Variants in ADCYAP1R1 observed in about 807,000 individuals in gnomAD.
The protein encoded by ADCYAP1R1 is pituitary adenylate cyclase-activating polypeptide type I receptor.
In ADCYAP1R1, 44 loss-of-function variants were observed where a neutral mutation model predicts 67.6. The ratio of observed to expected loss-of-function variants is 0.65; its 90% CI spans 0.51 to 0.84. The LOEUF is 0.84. ADCYAP1R1 is among the 40% of genes least tolerant of loss of function. The pLI, the probability that ADCYAP1R1 is intolerant of heterozygous loss-of-function variation, is 0.00. For missense variants in ADCYAP1R1, 477 were observed against 587.9 expected (o/e 0.81, Z 1.95); for synonymous variants, 222 against 219.6 (o/e 1.01, Z -0.10).
At chr7:31,099,675 G>T (rs1208516723) in intron 13 of ADCYAP1R1, among the ~76,000 whole-genome samples, 2 of 152,190 alleles carry the variant, frequency 1.3e-5, no homozygotes, top group African/African-American at 4.8e-5. Flanking sequence ...GAACTGGCCT[G>T]ATTTGAGGCT....
intron 1 of ADCYAP1R1, among the ~76,000 whole-genome samples, chr7:31,052,939 GGCGGCCGATCGCC>G (rs1794080059): frequency 6.6e-6 from 1 of 152,228 alleles, no homozygotes; most frequent in Non-Finnish European, 1.5e-5. Context: ...CTGCGCTCGG[GGCGGCCGATCGCC>G]GCAGACTGCC....
At chr7:31,092,965 AGAGAGAGAGAGCCT>A (rs1393406514) in intron 13 of ADCYAP1R1, among the ~76,000 whole-genome samples, 2 of 152,138 alleles carry the variant, frequency 1.3e-5, no homozygotes. Flanking sequence ...GAAGAGAGAG[AGAGAGAGAGAGCCT>A]GAGAGAGAGA....
intron 3 of ADCYAP1R1, among the ~76,000 whole-genome samples, chr7:31,071,467 T>C (rs945456554): frequency 1.3e-5 from 2 of 150,948 alleles, no homozygotes; most frequent in Non-Finnish European, 3.0e-5. Flanking sequence ...AGTGGAGAGG[T>C]CTCACAGAGA....
Position 31,086,798 on chromosome 7 carries a change from G to A in ADCYAP1R1, c.824-145G>A. ...CTGAGGGAGATATAGACCCTCAGGA[G>A]GCCTGGGTGTGAGGGACAGTTAGAA... On this transcript the variant is annotated intron_variant, in intron 10 of 15. Coordinates refer to ENST00000304166, the MANE Select transcript of ADCYAP1R1 (RefSeq NM_001118.5). This position sits in a 1 kb window ranked among gnomAD's most constrained non-coding sequence, Gnocchi z 5.0. The A allele has an allele frequency of 1.0e-6, 1 of 960,316 alleles. No individual in the cohort carries two copies. The highest frequency in any genetic ancestry group is 1.7e-6 in the Non-Finnish European group (1 of 605,834). The allele number at this position is 960,316 out of a possible 1,614,324, so 59.5% of individuals were successfully genotyped here. A position where few individuals can be genotyped will look rare whatever the true frequency, so the allele number is the denominator to read the frequency against.
In ADCYAP1R1 at chr7:31,092,671, A is replaced by G. The variant is rs1469008964; in HGVS notation, c.982A>G (p.Ile328Val). 6 of 1,609,208 alleles carry G rather than the reference A, an allele frequency of 3.7e-6. No homozygotes were observed. Among genetic ancestry groups the G allele is most frequent in the South Asian group, 2.2e-5 (2 of 90,848 alleles). Residue 328 changes from isoleucine to valine, a missense_variant, in exon 13 of 16, where the codon ATC (isoleucine) becomes GTC (valine). By Grantham distance (29) the Ile-to-Val change is conservative (BLOSUM62 3). Coordinates refer to ENST00000304166, the MANE Select transcript of ADCYAP1R1 (RefSeq NM_001118.5). ...TAACTTTGTGCTTTTTATTGGCATTATCGTCATCCTTGTGCAGAAACTTCA... is the reference window on the plus strand; with the variant it reads ...TAACTTTGTGCTTTTTATTGGCATTGTCGTCATCCTTGTGCAGAAACTTCA... ...MVNFVLFIGI[I>V]VILVQKLQSP...
At chr7:31,083,667 G>T (rs1795607451) in intron 6 of ADCYAP1R1, among the ~76,000 whole-genome samples, 1 of 152,186 alleles carries the variant, frequency 6.6e-6, no homozygotes, top group African/African-American at 2.4e-5. Context: ...ATCACATCAA[G>T]CTGTGTTCCC....
chr7:31,086,483 G>T lies in ADCYAP1R1; in HGVS notation c.769G>T (p.Glu257Ter). 1 of 1,614,228 alleles carries T rather than the reference G, an allele frequency of 6.2e-7. No individual in the cohort carries two copies. The highest frequency in any genetic ancestry group is 8.5e-7 in the Non-Finnish European group (1 of 1,180,044). Residue 257 changes from glutamate to a stop codon, truncating the protein, a stop_gained, in exon 10 of 16, where the codon GAG becomes TAG. Coordinates refer to ENST00000304166, the MANE Select transcript of ADCYAP1R1 (RefSeq NM_001118.5). LOFTEE classifies it high-confidence loss of function. This position sits in a 1 kb window ranked among gnomAD's most constrained non-coding sequence, Gnocchi z 5.0. ...EGLYLFTLLVETFFPERRYFY... is the reference protein window; with the variant it reads ...EGLYLFTLLV ...CCTGTACCTCTTCACTCTGCTGGTG[G>T]AGACCTTCTTCCCTGAAAGGAGATA...
At chr7:31,077,021 G>T (rs1447727808) in intron 3 of ADCYAP1R1, among the ~76,000 whole-genome samples, 1 of 152,188 alleles carries the variant, frequency 6.6e-6, no homozygotes, top group Non-Finnish European at 1.5e-5. Context: ...GGGGTGTGGG[G>T]CGGTGTAAAA....
rs548669871 is a variant in ADCYAP1R1 at position 31,102,706 on chromosome 7, G to A, written c.1047-531G>A. 6.6e-6 allele frequency among the ~76,000 whole-genome samples: 1 copy of A among 152,194 alleles called. No homozygotes were observed. Among genetic ancestry groups the A allele is most frequent in the African/African-American group, 2.4e-5 (1 of 41,530 alleles). The stretch of plus-strand genomic sequence containing the variant: ...ATCCCTCCCGAGTTTCTTCCTCTGT[G>A]ATCCACTCACTGAGCCTTTCCTCCC... On this transcript the variant is annotated intron_variant, in intron 13 of 15. Coordinates refer to ENST00000304166, the MANE Select transcript of ADCYAP1R1 (RefSeq NM_001118.5). The surrounding 1 kb of genome is among the most constrained non-coding windows in gnomAD (Gnocchi z 4.3).
chr7:31,069,256 C>T (rs1346462776), intron 3 of ADCYAP1R1, among the ~76,000 whole-genome samples: 1 of 152,178 alleles, frequency 6.6e-6, no homozygotes, highest in Admixed American at 6.5e-5. Context: ...CAAATCTGAG[C>T]GTACCAAAGA....
intron 3 of ADCYAP1R1, among the ~76,000 whole-genome samples, chr7:31,077,616 G>T (rs1223874667): frequency 6.8e-6 from 1 of 147,668 alleles, no homozygotes; most frequent in Non-Finnish European, 1.5e-5. Flanking sequence ...GTGAATGTGT[G>T]TGTGTAGTGT....
intron 1 of ADCYAP1R1, among the ~76,000 whole-genome samples, chr7:31,055,930 C>T (rs1191143276): frequency 2.0e-5 from 3 of 152,176 alleles, no homozygotes; most frequent in Non-Finnish European, 4.4e-5. Context: ...GTGATTGATT[C>T]CCCCACTCTA....
rs1031077007 is a variant in ADCYAP1R1 at position 31,107,675 on chromosome 7, A to C, written c.*991A>C. ...AGGATGTACCAGCCACCTGCCTCTGATGTCGGCGAATCCTGAAGCACCTGC... is the reference window on the plus strand; with the variant it reads ...AGGATGTACCAGCCACCTGCCTCTGCTGTCGGCGAATCCTGAAGCACCTGC... On this transcript the variant is annotated 3_prime_UTR_variant, in exon 16 of 16. Transcript: ENST00000304166. The C allele has an allele frequency of 6.6e-6, 1 of 152,146 alleles. No homozygotes were observed. Among genetic ancestry groups the C allele is most frequent in the Non-Finnish European group, 1.5e-5 (1 of 68,130 alleles). The allele number at this position is 152,146 out of a possible 1,614,324, so 9.4% of individuals were successfully genotyped here.
At chr7:31,096,973 G>A (rs1796220901) in intron 13 of ADCYAP1R1, among the ~76,000 whole-genome samples, 1 of 152,246 alleles carries the variant, frequency 6.6e-6, no homozygotes, top group Admixed American at 6.5e-5. Flanking sequence ...TCCCAGGGCT[G>A]TAGCCCAACC....
chr7:31,059,163 A>G (rs1385832851), intron 1 of ADCYAP1R1, among the ~76,000 whole-genome samples: 1 of 150,878 alleles, frequency 6.6e-6, no homozygotes, highest in African/African-American at 2.5e-5. Flanking sequence ...TGAGATAATA[A>G]TAATAGTTAA....
chr7:31,071,456 G>A (rs1794975945), intron 3 of ADCYAP1R1, among the ~76,000 whole-genome samples: 1 of 152,146 alleles, frequency 6.6e-6, no homozygotes, highest in Admixed American at 6.5e-5. Context: ...GTGTTGTCAG[G>A]AGTGGAGAGG....
At chr7:31,090,218 G>C (rs1042603689) in intron 12 of ADCYAP1R1, among the ~76,000 whole-genome samples, 9 of 151,780 alleles carry the variant, frequency 5.9e-5, no homozygotes, top group African/African-American at 2.2e-4. Flanking sequence ...TTCTTCTTAC[G>C]TTGATTTTGT....
chr7:31,092,794 C>T lies in ADCYAP1R1; in HGVS notation c.1046+59C>T, dbSNP rs555371607. The T allele has an allele frequency of 3.1e-6, 4 of 1,303,564 alleles. No homozygotes were observed. The African/African-American group carries it at 5.9e-5, about 19-fold the overall frequency. 80.7% of individuals were successfully genotyped at this position (1,303,564 alleles called of 1,614,324 possible). A position where few individuals can be genotyped will look rare whatever the true frequency, so the allele number is the denominator to read the frequency against. On this transcript the variant is annotated intron_variant, in intron 13 of 15. Coordinates refer to ENST00000304166, the MANE Select transcript of ADCYAP1R1 (RefSeq NM_001118.5). ...CTGACAGCCGAGCGGGCCCTGCATTCAGGTCACAGCAGAAGGCGGCCTGGG... is the reference window on the plus strand; with the variant it reads ...CTGACAGCCGAGCGGGCCCTGCATTTAGGTCACAGCAGAAGGCGGCCTGGG...
chr7:31,065,814 C>T (rs1331394831), intron 3 of ADCYAP1R1, among the ~76,000 whole-genome samples: 2 of 152,208 alleles, frequency 1.3e-5, no homozygotes. Context: ...GGGCTCTCTG[C>T]TCAGGCTGGA....
Sources: gnomAD v4.1 joint callset for allele counts (sites outside exome capture counted in the v4.1 genomes callset) on GRCh38, gnomAD v4.1.1 for gene constraint, Gnocchi (gnomAD v3.1) non-coding constraint, MANE v1.5 for transcripts, NCBI Gene and HGNC (gene_info 2026-07-23, HGNC 2026-07-21) for gene names.